The following GBE1 variants were observed in gnomAD, a reference collection of about 807,000 sequenced individuals.
The protein encoded by GBE1 is 1,4-alpha-glucan-branching enzyme.
In GBE1, 70 loss-of-function variants were observed where a neutral mutation model predicts 88.8. The ratio of observed to expected loss-of-function variants is 0.79; its 90% confidence interval spans 0.65 to 0.96. GBE1 has a LOEUF of 0.96. Among genes scored for constraint, GBE1 ranks in the 40% least tolerant of loss-of-function variants. GBE1 has a pLI of 0.00. For missense variants in GBE1, 872 were observed against 871.0 expected (o/e 1.00, Z -0.01); for synonymous variants, 284 against 300.1 (o/e 0.95, Z 0.56).
chr3:81,747,082 T>A (rs1390331306), intron 1 of GBE1, among the ~76,000 whole-genome samples: 2 of 151,820 alleles, frequency 1.3e-5, no homozygotes, highest in South Asian at 2.1e-4. Context: ...ACACAAAAAA[T>A]TAATGCACAA....
intron 1 of GBE1, among the ~76,000 whole-genome samples, chr3:81,722,713 C>T (rs982257671): frequency 4.0e-5 from 6 of 151,492 alleles, no homozygotes; most frequent in African/African-American, 1.5e-4. Flanking sequence ...TGTCCTAATC[C>T]AAAATATGGC....
intron 7 of GBE1, among the ~76,000 whole-genome samples, chr3:81,608,703 G>A (rs1704134136): frequency 1.3e-5 from 2 of 151,998 alleles, no homozygotes; most frequent in African/African-American, 2.4e-5. Context: ...CTGCATGCTG[G>A]GATAAAAAAG....
Position 81,578,094 on chromosome 3 carries a change from T to A in GBE1, c.1449A>T (p.Ala483=), listed in dbSNP as rs2106934011. 1 of 1,589,598 alleles carries A rather than the reference T, an allele frequency of 6.3e-7. No individual in the cohort carries two copies. Among genetic ancestry groups the A allele is most frequent in the Non-Finnish European group, 8.6e-7 (1 of 1,168,654 alleles). Residue 483 remains alanine (A), a splice_region_variant and synonymous_variant, in exon 12 of 16, where the codon GCA becomes GCT. Coordinates refer to ENST00000429644, the MANE Select transcript of GBE1 (RefSeq NM_000158.4). ...CIAYAESHDQ[A]LVGDKSLAFW... is the part of the protein sequence containing the mutation. ...ATGCCAGCGACTTATCCCCAACCAA[T>A]GCCTACAGAAATAAAAGTAATGGAG...
intron 14 of GBE1, among the ~76,000 whole-genome samples, chr3:81,501,610 A>G (rs748517813): frequency 4.7e-5 from 7 of 149,976 alleles, no homozygotes; most frequent in Non-Finnish European, 8.8e-5. Context: ...CTGAATTACA[A>G]TTTTTAAAAT....
At chr3:81,680,094 T>C (rs1705316131) in intron 2 of GBE1, among the ~76,000 whole-genome samples, 1 of 152,180 alleles carries the variant, frequency 6.6e-6, no homozygotes, top group Non-Finnish European at 1.5e-5. Context: ...TCCTTGAAAA[T>C]ATGTAATTTC....
intron 2 of GBE1, among the ~76,000 whole-genome samples, chr3:81,678,925 T>C (rs541185767): frequency 1.7e-3 from 254 of 152,290 alleles, no homozygotes; most frequent in African/African-American, 5.9e-3. Context: ...ATAAGAGTTA[T>C]TATGTTACCA....
chr3:81,511,797 C>G (rs1333479961), intron 14 of GBE1, among the ~76,000 whole-genome samples: 1 of 150,458 alleles, frequency 6.6e-6, no homozygotes, highest in Non-Finnish European at 1.5e-5. Flanking sequence ...TAACTGAAAA[C>G]AGAACTACCA....
At chr3:81,518,772 TA>T (rs1341810458) in intron 14 of GBE1, among the ~76,000 whole-genome samples, 4 of 151,638 alleles carry the variant, frequency 2.6e-5, no homozygotes, top group Non-Finnish European at 4.4e-5. Context: ...ATATTAAATA[TA>T]AAATTGTTAG....
chr3:81,534,636 T>C (rs1329899197), intron 14 of GBE1: 1 of 152,056 alleles, frequency 6.6e-6, no homozygotes, highest in Non-Finnish European at 1.5e-5. Flanking sequence ...GGAAGGACAC[T>C]ATCATTACAA....
At chr3:81,494,640 G>A (rs768877247) in intron 15 of GBE1, among the ~76,000 whole-genome samples, 6 of 152,050 alleles carry the variant, frequency 3.9e-5, no homozygotes, top group Non-Finnish European at 5.9e-5. Context: ...AAGAACATGA[G>A]ACAACGTAGT....
At chr3:81,582,629 C>T (rs1282217797) in intron 10 of GBE1, among the ~76,000 whole-genome samples, 2 of 151,988 alleles carry the variant, frequency 1.3e-5, no homozygotes, top group Non-Finnish European at 2.9e-5. Context: ...AACAGAAATT[C>T]AATGGAAGGT....
intron 1 of GBE1, among the ~76,000 whole-genome samples, chr3:81,737,664 TTTAAG>T (rs1272097312): frequency 2.6e-5 from 4 of 151,662 alleles, no homozygotes; most frequent in Non-Finnish European, 5.9e-5. Flanking sequence ...GTCTTCTTTT[TTTAAG>T]TTAATTTTTC....
intron 3 of GBE1, among the ~76,000 whole-genome samples, chr3:81,659,729 A>G (rs550819940): frequency 9.4e-4 from 143 of 152,046 alleles, no homozygotes; most frequent in Non-Finnish European, 2.1e-4. Context: ...CTCAACCCCT[A>G]AAAGAAATCT....
chr3:81,526,444 G>A (rs1183625218), intron 14 of GBE1, among the ~76,000 whole-genome samples: 6 of 152,108 alleles, frequency 3.9e-5, no homozygotes, highest in African/African-American at 1.4e-4. Flanking sequence ...CCTGTTTGCA[G>A]ATGACATGAT....
chr3:81,534,499 T>C (rs970265192), intron 14 of GBE1, among the ~76,000 whole-genome samples: 10 of 151,932 alleles, frequency 6.6e-5, no homozygotes, highest in South Asian at 2.1e-4. Context: ...AATGAATACA[T>C]AGAGAACATC....
intron 1 of GBE1, among the ~76,000 whole-genome samples, chr3:81,712,578 C>T (rs1033747744): frequency 3.3e-5 from 5 of 150,030 alleles, no homozygotes; most frequent in African/African-American, 1.2e-4. Context: ...TGTTCTCACT[C>T]ATAGGTGGGA....
intron 14 of GBE1, among the ~76,000 whole-genome samples, chr3:81,506,820 G>A (rs1445093405): frequency 1.3e-5 from 2 of 152,032 alleles, no homozygotes; most frequent in South Asian, 2.1e-4. Context: ...ACACAGAAAC[G>A]GAAAACCAAA....
intron 2 of GBE1, among the ~76,000 whole-genome samples, chr3:81,672,968 T>G (rs1304820901): frequency 6.6e-6 from 1 of 151,850 alleles, no homozygotes; most frequent in Non-Finnish European, 1.5e-5. Flanking sequence ...TAAAGGTTCT[T>G]CTAAACAGTT....
chr3:81,678,090 C>G (rs958120980), intron 2 of GBE1, among the ~76,000 whole-genome samples: 1 of 152,126 alleles, frequency 6.6e-6, no homozygotes, highest in African/African-American at 2.4e-5. Flanking sequence ...ATGGTGTAAA[C>G]ATTATAGAAT....
Sources: gnomAD v4.1 joint callset for allele counts (sites outside exome capture counted in the v4.1 genomes callset) on GRCh38, gnomAD v4.1.1 for gene constraint, MANE v1.5 for transcripts, NCBI Gene and HGNC (gene_info 2026-07-23, HGNC 2026-07-21) for gene names.